MOB1B: variants seen among roughly 807,000 people sequenced by gnomAD.
The protein encoded by MOB1B is MOB1 Mps One Binder homolog B.
In MOB1B, 19 loss-of-function variants were observed where a neutral mutation model predicts 24.4. That is an observed-to-expected ratio of 0.78 (90% CI 0.54 to 1.14). MOB1B has a LOEUF of 1.14. Ranked by LOEUF, MOB1B falls within the 50% of genes most tolerant of loss-of-function variation. The probability of loss-of-function intolerance (pLI) is 0.00; values close to 1 mark genes in which losing one functional copy is unlikely to be tolerated. For missense variants in MOB1B, 243 were observed against 259.6 expected (o/e 0.94, Z 0.44); for synonymous variants, 76 against 82.1 (o/e 0.93, Z 0.40).
chr4:70,952,487 C>A lies in MOB1B; in HGVS notation c.15-6387C>A, dbSNP rs1737848316. Among the ~76,000 whole-genome samples the A allele has an allele frequency of 3.3e-5, 5 of 151,386 alleles. No homozygotes were observed. In the South Asian group the frequency reaches 1.0e-3, roughly 32 times the overall value. ...TGAAACCCCGTCTCTACCAAAAATA[C>A]AAAAAATTAGGTGACCGTGGTGGCG... On this transcript the variant is annotated intron_variant, in intron 1 of 5. Transcript: ENST00000309395.
At chr4:70,940,848 G>C (rs1413086748) in intron 1 of MOB1B, among the ~76,000 whole-genome samples, 1 of 151,324 alleles carries the variant, frequency 6.6e-6, no homozygotes, top group Non-Finnish European at 1.5e-5. Context: ...GGCTAATTTT[G>C]TATTTTTAGT....
At chr4:70,971,647 C>G (rs112206738) in intron 3 of MOB1B, among the ~76,000 whole-genome samples, 28 of 152,242 alleles carry the variant, frequency 1.8e-4, no homozygotes, top group African/African-American at 6.5e-4. Context: ...ATCAGTCCCC[C>G]TTTAGTATTA....
chr4:70,969,384 G>A (rs1738664318), intron 2 of MOB1B, among the ~76,000 whole-genome samples: 2 of 152,188 alleles, frequency 1.3e-5, no homozygotes, highest in South Asian at 4.1e-4. Flanking sequence ...TCCAGCCTTG[G>A]CCTGTGAATG....
chr4:70,947,685 G>A (rs1171512217), intron 1 of MOB1B, among the ~76,000 whole-genome samples: 1 of 151,726 alleles, frequency 6.6e-6, no homozygotes, highest in Non-Finnish European at 1.5e-5. Context: ...GGAGTGCAGT[G>A]GCACAATCTT....
At chr4:70,960,329 A>G (rs937539565) in intron 2 of MOB1B, among the ~76,000 whole-genome samples, 1 of 152,240 alleles carries the variant, frequency 6.6e-6, no homozygotes, top group East Asian at 1.9e-4. Flanking sequence ...AAGTTGAGGA[A>G]TAAAAGCTTC....
At chr4:70,970,716 A>G (rs376463184) in intron 3 of MOB1B, among the ~76,000 whole-genome samples, 1 of 152,202 alleles carries the variant, frequency 6.6e-6, no homozygotes, top group African/African-American at 2.4e-5. Context: ...ATATGTCAAC[A>G]TTCATTATAA....
rs532554522 is a variant in MOB1B, at chr4:70,926,280, T to A, written c.14+23730T>A. ...ATTACAGCCATTTTTTTTTTTTTTT[T>A]AATTAACTGAAGATTGTCATGGGAG... On this transcript the variant is annotated intron_variant, in intron 1 of 5. Transcript: ENST00000309395. Among the ~76,000 whole-genome samples, 761 of 151,828 alleles carry A rather than the reference T, an allele frequency of 5.0e-3. 9 individuals carry two copies. The highest frequency in any genetic ancestry group is 0.017 in the African/African-American group (720 of 41,380).
Position 70,976,774 on chromosome 4 carries a change from ATCTC to A in MOB1B, c.409+1497_409+1500del, listed in dbSNP as rs71604569. ...ATTACATATATATATATATATATAT[ATCTC>A]TCTCTCTCAATCATAAGGGTTGGAT... is the stretch of plus-strand genomic sequence containing the variant. On this transcript the variant is annotated intron_variant, in intron 4 of 5. Transcript: ENST00000309395. 698 of 187,562 alleles carry A rather than the reference ATCTC, an allele frequency of 3.7e-3. 3 individuals are homozygous for A. The highest frequency in any genetic ancestry group is 0.016 in the East Asian group (83 of 5,226). The allele number at this position is 187,562 out of a possible 1,614,324, so 11.6% of individuals were successfully genotyped here.
intron 1 of MOB1B, among the ~76,000 whole-genome samples, chr4:70,909,950 G>A (rs1735911008): frequency 1.3e-5 from 2 of 152,046 alleles, no homozygotes; most frequent in Non-Finnish European, 2.9e-5. Context: ...TTTTCACCAT[G>A]TTGGCCAGGC....
At chr4:70,965,796 C>CAAAAA (rs71211986) in intron 2 of MOB1B, among the ~76,000 whole-genome samples, 411 of 28,690 alleles carry the variant, frequency 0.014, 37 homozygotes, top group South Asian at 0.033. Flanking sequence ...GACTCCGTCT[C>CAAAAA]AAAAAAAAAA....
At chr4:70,950,731 C>G in intron 1 of MOB1B, 1 of 1,531,444 alleles carries the variant, frequency 6.5e-7, no homozygotes, top group Non-Finnish European at 8.7e-7. Context: ...CTGGAACTTT[C>G]AGTTAACAAG....
At chr4:70,980,949 G>A (rs1383113994) in intron 5 of MOB1B, among the ~76,000 whole-genome samples, 2 of 152,132 alleles carry the variant, frequency 1.3e-5, no homozygotes, top group African/African-American at 2.4e-5. Context: ...GTTTTCTGAG[G>A]GCTAGGCACC....
At chr4:70,957,378 T>A (rs1045643516) in intron 1 of MOB1B, among the ~76,000 whole-genome samples, 2 of 151,742 alleles carry the variant, frequency 1.3e-5, no homozygotes, top group African/African-American at 4.8e-5. Flanking sequence ...GACCCCTAAT[T>A]TGATAAAAAT....
intron 3 of MOB1B, 75 bp from the exon 4 acceptor site, chr4:70,975,078 A>G (rs1342071779): frequency 9.1e-6 from 10 of 1,094,410 alleles, no homozygotes; most frequent in African/African-American, 3.3e-5. Flanking sequence ...CATTAGTAAT[A>G]TAGATACATA....
chr4:70,960,717 C>A (rs942484444), intron 2 of MOB1B, among the ~76,000 whole-genome samples: 1 of 152,130 alleles, frequency 6.6e-6, no homozygotes, highest in Non-Finnish European at 1.5e-5. Context: ...ATTGATGAGG[C>A]CTGCCGTATT....
intron 1 of MOB1B, among the ~76,000 whole-genome samples, chr4:70,942,642 T>C (rs181259536): frequency 2.4e-4 from 37 of 152,290 alleles, no homozygotes; most frequent in African/African-American, 8.4e-4. Context: ...CTAAAAGATA[T>C]GTCTATAGGA....
Position 70,976,371 on chromosome 4 carries a change from A to G in MOB1B, c.409+1085A>G, listed in dbSNP as rs184166587. On this transcript the variant is annotated intron_variant, in intron 4 of 5. Transcript: ENST00000309395. ...TGTGATCAAAAGGGAGTTTGAATTTATGACCCACAATATGAATCTTACAGA... is the reference window on the plus strand; with the variant it reads ...TGTGATCAAAAGGGAGTTTGAATTTGTGACCCACAATATGAATCTTACAGA... 1.2e-5 allele frequency: 12 copies of G among 985,252 alleles called. No individual in the cohort carries two copies. In the East Asian group the frequency reaches 7.9e-4, roughly 65 times the overall value. The allele number at this position is 985,252 out of a possible 1,614,324, so 61.0% of individuals were successfully genotyped here.
chr4:70,917,674 TC>T lies in MOB1B; in HGVS notation c.14+15125del, dbSNP rs60606832. Among the ~76,000 whole-genome samples the T allele has an allele frequency of 4.6e-3, 695 of 152,296 alleles. 4 individuals are homozygous for T. The highest frequency in any genetic ancestry group is 0.016 in the African/African-American group (658 of 41,560). ...GTAAAAATACACTGTAGTATAATAA[TC>T]TACTGTTTTAGCATCAGCCCTCTTG... On this transcript the variant is annotated intron_variant, in intron 1 of 5. Transcript: ENST00000309395.
intron 2 of MOB1B, among the ~76,000 whole-genome samples, chr4:70,969,173 G>A (rs922050903): frequency 5.9e-5 from 9 of 152,030 alleles, no homozygotes; most frequent in Admixed American, 2.0e-4. Context: ...ATTCCGTCAC[G>A]CAGGCTGAAG....
Sources: allele counts gnomAD v4.1 joint callset (sites outside exome capture counted in the v4.1 genomes callset), GRCh38; gene constraint gnomAD v4.1.1; transcripts MANE v1.5; gene names NCBI Gene and HGNC (gene_info 2026-07-23, HGNC 2026-07-21).